SEC23IP: variants seen among roughly 807,000 people sequenced by gnomAD.
SEC23IP encodes SEC23-interacting protein.
A neutral mutation model predicts 113.4 loss-of-function variants in SEC23IP; 70 were observed. The observed-to-expected ratio is 0.62, with a 90% CI of 0.51 to 0.75. SEC23IP has a LOEUF of 0.75. Ranked by LOEUF, SEC23IP falls within the 30% of genes least tolerant of loss-of-function variation. SEC23IP has a pLI of 0.00. For missense variants in SEC23IP, 1,160 were observed against 1,204.9 expected (o/e 0.96, Z 0.55); for synonymous variants, 398 against 421.0 (o/e 0.95, Z 0.67).
At chr10:119,895,066 A>C (rs1388278736) in intron 1 of SEC23IP, among the ~76,000 whole-genome samples, 1 of 152,178 alleles carries the variant, frequency 6.6e-6, no homozygotes, top group East Asian at 1.9e-4. Context: ...GAAGAGAGAC[A>C]CAGGAAGCAA....
chr10:119,926,068 G>A lies in SEC23IP; in HGVS notation c.2154G>A (p.Ala718=), dbSNP rs779037638. 6.8e-6 allele frequency: 11 copies of A among 1,613,068 alleles called. No individual in the cohort carries two copies. The African/African-American group carries it at 8.0e-5, about 12-fold the overall frequency. ...CAGCGTCAGAAAAGAAGGCAGTGGC[G>A]GCCACTTCTACAAAAGGACAAGAGC... The part of the protein sequence containing the change: ...KKAASEKKAV[A]ATSTKGQEQS... Residue 718 remains alanine, a synonymous_variant, in exon 13 of 19, where the codon GCG becomes GCA. Transcript: ENST00000369075.
chr10:119,895,936 T>G (rs915897287), intron 1 of SEC23IP, among the ~76,000 whole-genome samples: 2 of 152,176 alleles, frequency 1.3e-5, no homozygotes, highest in Admixed American at 1.3e-4. Context: ...GTAGTTCATC[T>G]TGTGGGGTGT....
In SEC23IP at chr10:119,898,518, G is replaced by A. The variant is rs1002849414; in HGVS notation, c.255G>A (p.Gln85=). 1.9e-6 allele frequency: 3 copies of A among 1,613,956 alleles called. No individual in the cohort carries two copies. In the Admixed American group the frequency reaches 5.0e-5, roughly 27 times the overall value. ...CACAGACATTTAGTTACTTCTCTCA[G>A]GTATCAAGCAGCAGTGATCCTTTTG... The part of the protein sequence containing the change: ...SAPQTFSYFS[Q]VSSSSDPFGN... Residue 85 remains glutamine (Q), a synonymous_variant, in exon 2 of 19, where the codon CAG becomes CAA. Transcript: ENST00000369075.
intron 18 of SEC23IP, among the ~76,000 whole-genome samples, chr10:119,938,467 A>G (rs1270032978): frequency 1.3e-5 from 2 of 152,008 alleles, no homozygotes; most frequent in Non-Finnish European, 2.9e-5. Flanking sequence ...TTAGTCCCCC[A>G]CTTTTTGTGA....
chr10:119,912,028 C>A lies in SEC23IP; in HGVS notation c.1192-16C>A, dbSNP rs1299524163. 1.9e-6 allele frequency: 3 copies of A among 1,613,318 alleles called. No individual in the cohort carries two copies. Among genetic ancestry groups the A allele is most frequent in the Non-Finnish European group, 1.7e-6 (2 of 1,179,638 alleles). ...TTTGTTAATGAGCTTTGTCATAATT[C>A]TGTTGCATCTTGAAGGTTATTGTTC... On this transcript the variant is annotated splice_polypyrimidine_tract_variant and intron_variant, in intron 5 of 18. Coordinates refer to ENST00000369075, the MANE Select transcript of SEC23IP (RefSeq NM_007190.4).
chr10:119,894,408 T>C (rs1243614935), intron 1 of SEC23IP, among the ~76,000 whole-genome samples: 2 of 152,230 alleles, frequency 1.3e-5, no homozygotes, highest in African/African-American at 2.4e-5. Context: ...CCATGTGTTA[T>C]GTTTCTTCTT....
intron 1 of SEC23IP, among the ~76,000 whole-genome samples, chr10:119,896,616 G>C (rs1036213557): frequency 6.6e-6 from 1 of 152,168 alleles, no homozygotes; most frequent in Non-Finnish European, 1.5e-5. Context: ...TAAAGTTGTG[G>C]CTTTAGATGA....
intron 4 of SEC23IP, 52 bp from the exon 5 acceptor site, chr10:119,908,989 C>A (rs3740569): frequency 0.072 from 86,485 of 1,195,348 alleles, 5,351 homozygotes; most frequent in South Asian, 0.25. Flanking sequence ...ACTTTCTCTC[C>A]ATGTGGTATA....
At chr10:119,902,171 A>G (rs1015272806) in intron 2 of SEC23IP, among the ~76,000 whole-genome samples, 2 of 152,140 alleles carry the variant, frequency 1.3e-5, no homozygotes, top group Non-Finnish European at 2.9e-5. Context: ...AGCCTGACCA[A>G]CCTGGAGAAA....
At chr10:119,931,098 G>C (rs952805304) in intron 15 of SEC23IP, among the ~76,000 whole-genome samples, 6 of 152,014 alleles carry the variant, frequency 3.9e-5, no homozygotes, top group Non-Finnish European at 8.8e-5. Context: ...ATTCACATGT[G>C]ATTATTAGAC....
At chr10:119,916,139 G>C (rs1589835978) in intron 8 of SEC23IP, among the ~76,000 whole-genome samples, 1 of 152,142 alleles carries the variant, frequency 6.6e-6, no homozygotes, top group East Asian at 1.9e-4. Context: ...ATTTTAATCT[G>C]TAGCAGTTTA....
chr10:119,931,983 G>C, intron 15 of SEC23IP, 150 bp from the exon 16 acceptor site: 3 of 515,846 alleles, frequency 5.8e-6, no homozygotes, highest in Non-Finnish European at 1.0e-5. Flanking sequence ...CATGCTGAGG[G>C]TTCTTGGCTG....
At chr10:119,930,260 C>A in intron 14 of SEC23IP, 69 bp from the exon 15 acceptor site, 4 of 815,878 alleles carry the variant, frequency 4.9e-6, no homozygotes, top group South Asian at 2.1e-5. Flanking sequence ...TCTTACCCAG[C>A]GAAGGCATAT....
chr10:119,938,523 C>T lies in SEC23IP; in HGVS notation c.*21-2063C>T, dbSNP rs184993140. On this transcript the variant is annotated intron_variant, in intron 18 of 18. Transcript: ENST00000369075. ...CCTTTCTGGGCATCTTTTTATGGTACATAACAGTGAAGTGTCACAATCAAC... is the reference window on the plus strand; with the variant it reads ...CCTTTCTGGGCATCTTTTTATGGTATATAACAGTGAAGTGTCACAATCAAC... Among the ~76,000 whole-genome samples, 4 of 152,244 alleles carry T rather than the reference C, an allele frequency of 2.6e-5. No homozygotes were observed. In the East Asian group the frequency reaches 7.7e-4, roughly 29 times the overall value.
At chr10:119,902,287 C>T (rs544983599) in intron 2 of SEC23IP, among the ~76,000 whole-genome samples, 4 of 152,242 alleles carry the variant, frequency 2.6e-5, no homozygotes, top group South Asian at 4.1e-4. Context: ...ACTCGGGAGA[C>T]GGAGGCTGTG....
chr10:119,915,748 T>C lies in SEC23IP; in HGVS notation c.1403T>C (p.Val468Ala), dbSNP rs763912028. 52 of 1,525,186 alleles carry C rather than the reference T, an allele frequency of 3.4e-5. No homozygotes were observed. The highest frequency in any genetic ancestry group is 4.6e-5 in the Non-Finnish European group (52 of 1,135,626). The allele number at this position is 1,525,186 out of a possible 1,614,324, so 94.5% of individuals were successfully genotyped here. A position where few individuals can be genotyped will look rare whatever the true frequency, so the allele number is the denominator to read the frequency against. ...DLRFRSIIECVDDFRVVSLKL... is the reference protein window; with the variant it reads ...DLRFRSIIECADDFRVVSLKL... Reference sequence around the variant, plus strand: ...TCTCTTTTTTTTTTTTCTTTTGAAGTGGATGATTTTAGGGTGGTTTCTCTC... The same window carrying C: ...TCTCTTTTTTTTTTTTCTTTTGAAGCGGATGATTTTAGGGTGGTTTCTCTC... Residue 468 changes from valine to alanine, a missense_variant and splice_region_variant, in exon 8 of 19, where the codon GTG (valine) becomes GCG (alanine). Transcript: ENST00000369075.
chr10:119,931,303 C>T (rs1855592261), intron 15 of SEC23IP, among the ~76,000 whole-genome samples: 1 of 149,236 alleles, frequency 6.7e-6, no homozygotes, highest in African/African-American at 2.5e-5. Context: ...TCCTCAAAAC[C>T]ACTTCCTGTT....
intron 16 of SEC23IP, 115 bp from the exon 17 acceptor site, chr10:119,932,890 T>G: frequency 1.2e-6 from 1 of 829,182 alleles, no homozygotes; most frequent in Non-Finnish European, 1.9e-6. Context: ...GCCTGGTAGC[T>G]CCTCAGGTTG....
intron 1 of SEC23IP, among the ~76,000 whole-genome samples, chr10:119,894,888 CAGTCTGTGTGTGTG>C (rs1006236421): frequency 2.3e-5 from 3 of 131,246 alleles, no homozygotes; most frequent in African/African-American, 3.0e-5. Context: ...TTCTTGGAGA[CAGTCTGTGTGTGTG>C]TGTGTGTGTG....
Sources: gnomAD v4.1 joint callset for allele counts (sites outside exome capture counted in the v4.1 genomes callset) on GRCh38, gnomAD v4.1.1 for gene constraint, MANE v1.5 for transcripts, NCBI Gene and HGNC (gene_info 2026-07-23, HGNC 2026-07-21) for gene names.